UGT2B7: variants seen among roughly 807,000 people sequenced by gnomAD.
UGT2B7 encodes UDP glucuronosyltransferase family 2 member B7, also known as UDP-glucuronosyltransferase 2B7.
Under a neutral mutation model 51.9 loss-of-function variants are expected in UGT2B7, and 51 were observed. The ratio of observed to expected loss-of-function variants is 0.98; its 90% CI spans 0.78 to 1.24. The LOEUF is 1.24. Among genes scored for constraint, UGT2B7 ranks in the 50% most tolerant of loss-of-function variants. The pLI is 0.00. For synonymous variants in UGT2B7, 225 were observed against 211.6 expected (o/e 1.06, Z -0.55); for missense variants, 727 against 628.4 (o/e 1.16, Z -1.68).
At chr4:69,095,760 G>T (rs1290930136), upstream of UGT2B7, among the ~76,000 whole-genome samples, 1 of 152,110 alleles carries the variant, frequency 6.6e-6, no homozygotes, top group Admixed American at 6.5e-5. Context: ...TATCTTACAT[G>T]ATGGTTGTAA....
At chr4:69,067,905 A>T (rs1718516162) in intron 1 of UGT2B7, among the ~76,000 whole-genome samples, 1 of 152,132 alleles carries the variant, frequency 6.6e-6, no homozygotes, top group Non-Finnish European at 1.5e-5. Context: ...TATAAGAAAG[A>T]TTGAGGCCAA....
intron 2 of UGT2B7, among the ~76,000 whole-genome samples, chr4:69,100,669 G>T (rs1029654471): frequency 6.6e-6 from 1 of 151,952 alleles, no homozygotes; most frequent in Non-Finnish European, 1.5e-5. Flanking sequence ...GAGAATAGGA[G>T]GTGTAGAAGG....
chr4:69,099,520 T>C (rs1288367736), intron 2 of UGT2B7, among the ~76,000 whole-genome samples: 1 of 152,014 alleles, frequency 6.6e-6, no homozygotes, highest in Non-Finnish European at 1.5e-5. Flanking sequence ...AGGGCCAGAC[T>C]GTAAAGAGCC....
At chr4:69,099,538 C>G (rs1719360692) in intron 2 of UGT2B7, among the ~76,000 whole-genome samples, 1 of 151,954 alleles carries the variant, frequency 6.6e-6, no homozygotes, top group Non-Finnish European at 1.5e-5. Flanking sequence ...GCCAACCATT[C>G]AGGAAATTTT....
chr4:69,104,105 G>A (rs935817008), intron 3 of UGT2B7, among the ~76,000 whole-genome samples: 1 of 152,184 alleles, frequency 6.6e-6, no homozygotes, highest in African/African-American at 2.4e-5. Flanking sequence ...TGGCCAACAT[G>A]GTGAAACCCG....
intron 1 of UGT2B7, among the ~76,000 whole-genome samples, chr4:69,073,891 AT>A (rs1718650344): frequency 6.6e-6 from 1 of 152,022 alleles, no homozygotes. Context: ...GTTTCATTTT[AT>A]TTCATGTAAT....
chr4:69,074,396 A>G (rs1442935772), intron 1 of UGT2B7, among the ~76,000 whole-genome samples: 1 of 148,036 alleles, frequency 6.8e-6, no homozygotes, highest in Non-Finnish European at 1.5e-5. Flanking sequence ...CATTTCGTTC[A>G]GCCTGGACGA....
intron 2 of UGT2B7, among the ~76,000 whole-genome samples, chr4:69,099,031 G>GA (rs1719340107): frequency 2.0e-5 from 3 of 151,648 alleles, no homozygotes; most frequent in Middle Eastern, 6.8e-3. Context: ...AATTTTCAGA[G>GA]AAAAAAATAG....
In UGT2B7 at chr4:69,112,871, T is replaced by G; in HGVS notation, c.*135T>G. ...AAAAGAAAAAAAAATCTTTTCAAAA[T>G]TTACTTTGTCAAATAAAAATTTGTT... On this transcript the variant is annotated 3_prime_UTR_variant, in exon 6 of 6. Transcript: ENST00000305231. 1 of 1,326,368 alleles carries G rather than the reference T, an allele frequency of 7.5e-7. No homozygotes were observed. The allele number at this position is 1,326,368 out of a possible 1,614,324, so 82.2% of individuals were successfully genotyped here. A position where few individuals can be genotyped will look rare whatever the true frequency, so the allele number is the denominator to read the frequency against.
intron 1 of UGT2B7, among the ~76,000 whole-genome samples, chr4:69,088,582 G>T (rs1379145572): frequency 1.3e-5 from 2 of 152,048 alleles, no homozygotes; most frequent in African/African-American, 4.8e-5. Flanking sequence ...ATGAGTATCT[G>T]GGAATTATAA....
At chr4:69,107,991 T>C in intron 4 of UGT2B7, 112 bp from the exon 5 acceptor site, 5 of 1,382,974 alleles carry the variant, frequency 3.6e-6, no homozygotes, top group South Asian at 2.5e-5. Flanking sequence ...TGAAACACAA[T>C]TTTAATTTAG....
intron 1 of UGT2B7, among the ~76,000 whole-genome samples, chr4:69,086,358 G>A (rs920291116): frequency 1.3e-5 from 2 of 151,530 alleles, no homozygotes; most frequent in Non-Finnish European, 3.0e-5. Flanking sequence ...ACACCATTTT[G>A]ATTTTAAAAA....
chr4:69,102,912 T>A lies in UGT2B7; in HGVS notation c.976T>A (p.Ser326Thr), dbSNP rs1352588552. Residue 326 changes from serine to threonine, a missense_variant, in exon 3 of 6, where the codon TCA (serine) becomes ACA (threonine). Physicochemically the swap from Ser to Thr is moderately conservative, Grantham distance 58 (BLOSUM62 1). Coordinates refer to ENST00000305231, the MANE Select transcript of UGT2B7 (RefSeq NM_001074.4). ...MTEERANVIASALAQIPQKVL... is the reference protein window; with the variant it reads ...MTEERANVIATALAQIPQKVL... ...AGAAGAAAGGGCCAACGTAATTGCA[T>A]CAGCCCTGGCCCAGATCCCACAAAA... The A allele has an allele frequency of 6.2e-7, 1 of 1,613,408 alleles. No homozygotes were observed.
chr4:69,096,051 A>C (rs141910369), upstream of UGT2B7, among the ~76,000 whole-genome samples: 224 of 152,316 alleles, frequency 1.5e-3, 1 homozygote, highest in African/African-American at 4.9e-3. Context: ...AATTCTGTGA[A>C]TATACTATGA....
At chr4:69,084,215 G>C (rs556250825) in intron 1 of UGT2B7, among the ~76,000 whole-genome samples, 21 of 151,746 alleles carry the variant, frequency 1.4e-4, no homozygotes, top group African/African-American at 4.8e-4. Flanking sequence ...TGTATCCCTG[G>C]GATAAATCCC....
intron 1 of UGT2B7, among the ~76,000 whole-genome samples, chr4:69,073,194 A>G (rs1440437497): frequency 6.6e-6 from 1 of 152,116 alleles, no homozygotes; most frequent in Non-Finnish European, 1.5e-5. Flanking sequence ...CACTCTATTC[A>G]TACTCCCAAC....
At chr4:69,066,470 T>A (rs889771013) in intron 1 of UGT2B7, 1 of 152,176 alleles carries the variant, frequency 6.6e-6, no homozygotes, top group Admixed American at 6.5e-5. Context: ...TAGTCCAGAA[T>A]GACCTTCTCG....
chr4:69,098,301 C>T (rs1719306144), intron 1 of UGT2B7, among the ~76,000 whole-genome samples: 1 of 152,006 alleles, frequency 6.6e-6, no homozygotes, highest in Non-Finnish European at 1.5e-5. Flanking sequence ...ACTGATGCGA[C>T]ATTAGAGATG....
At chr4:69,069,150 A>G (rs1243543969) in intron 1 of UGT2B7, among the ~76,000 whole-genome samples, 2 of 151,840 alleles carry the variant, frequency 1.3e-5, no homozygotes, top group African/African-American at 4.8e-5. Flanking sequence ...GATTCAAACT[A>G]AGGCCATCCA....
Sources: allele counts gnomAD v4.1 joint callset (sites outside exome capture counted in the v4.1 genomes callset), GRCh38; gene constraint gnomAD v4.1.1; transcripts MANE v1.5; gene names NCBI Gene and HGNC (gene_info 2026-07-23, HGNC 2026-07-21).